HADHB: variants seen among roughly 807,000 people sequenced by gnomAD.
HADHB encodes the protein hydroxyacyl-CoA dehydrogenase trifunctional multienzyme complex subunit beta, also known as trifunctional enzyme subunit beta, mitochondrial.
HADHB carries 50 observed loss-of-function variants against 61.9 expected under a neutral mutation model. The observed-to-expected ratio is 0.81, with a 90% CI of 0.64 to 1.02. The LOEUF is 1.02. Ranked by LOEUF, HADHB falls within the 50% of genes least tolerant of loss-of-function variation. The pLI is 0.00. For synonymous variants in HADHB, 191 were observed against 201.6 expected, an observed-to-expected ratio of 0.95 and a Z score of 0.45; for missense variants, 504 against 586.5, an observed-to-expected ratio of 0.86 and a Z score of 1.45.
chr2:26,287,847 A>G (rs1313275196), intron 15 of HADHB, among the ~76,000 whole-genome samples: 3 of 152,194 alleles, frequency 2.0e-5, no homozygotes, highest in East Asian at 3.8e-4. Context: ...TAGCAGTAGC[A>G]ACAAGCTCCT....
chr2:26,278,791 TA>T lies in HADHB; in HGVS notation c.621del (p.Ala208HisfsTer44). ...ATCTCTAAATTCCGATTTAATTTCCTAGCACCTGAGGTAAGGCTTGTGTTTG... is the reference window on the plus strand; with the variant it reads ...ATCTCTAAATTCCGATTTAATTTCCTGCACCTGAGGTAAGGCTTGTGTTTG... ...SLISKFRFNF[L>X]APELPAVSEF... On this transcript the variant is annotated frameshift_variant, in exon 8 of 16. Coordinates refer to ENST00000317799, the MANE Select transcript of HADHB (RefSeq NM_000183.3). LOFTEE classifies it high-confidence loss of function. 6.2e-7 allele frequency: 1 copy of T among 1,613,972 alleles called. No individual in the cohort carries two copies. The highest frequency in any genetic ancestry group is 8.5e-7 in the Non-Finnish European group (1 of 1,179,834).
chr2:26,267,817 A>C lies in HADHB; in HGVS notation c.210-2136A>C, dbSNP rs763799801. On this transcript the variant is annotated intron_variant, in intron 4 of 15. Coordinates refer to ENST00000317799, the MANE Select transcript of HADHB (RefSeq NM_000183.3). ...GTAAATAAATGAGAAAGAATGAACAAGTCTTCCTTACAGAAGAATTTTGAT... is the reference window on the plus strand; with the variant it reads ...GTAAATAAATGAGAAAGAATGAACACGTCTTCCTTACAGAAGAATTTTGAT... Among the ~76,000 whole-genome samples, 53 of 151,932 alleles carry C rather than the reference A, an allele frequency of 3.5e-4. 1 individual carries two copies. Among genetic ancestry groups the C allele is most frequent in the Non-Finnish European group, 7.4e-4 (50 of 67,986 alleles).
At position 26,280,022 on chromosome 2, in the gene HADHB, C is replaced by T. The variant is rs759805493; in HGVS notation, c.840C>T (p.Gly280=). Residue 280 remains glycine, a synonymous_variant, in exon 10 of 16, where the codon GGC becomes GGT. Coordinates refer to ENST00000317799, the MANE Select transcript of HADHB (RefSeq NM_000183.3). The stretch of plus-strand genomic sequence containing the variant: ...AAGATACAGTTACCAAAGATAATGG[C>T]ATCCGTCCTTCCTCACTGGAGCAGA... The part of the protein sequence containing the change: ...PGKDTVTKDN[G]IRPSSLEQMA... The T allele has an allele frequency of 5.6e-6, 9 of 1,609,252 alleles. No individual in the cohort carries two copies. The South Asian group carries it at 9.9e-5, about 18-fold the overall frequency.
In HADHB at chr2:26,285,414, T is replaced by G; in HGVS notation, c.1232T>G (p.Leu411Trp). The change falls in exon 15 of 16, where the codon TTG (leucine) becomes TGG (tryptophan). Residue 411 changes from leucine to tryptophan, a missense_variant. Transcript: ENST00000317799. ...NYMGRKTKVG[L>W]PPLEKFNNWG... ...TGTCTTTGGGGGAGCCAGGTTGGAT[T>G]GCCTCCTTTGGAGAAGTTTAATAAC... 1 of 1,613,686 alleles carries G rather than the reference T, an allele frequency of 6.2e-7. No homozygotes were observed. The highest frequency in any genetic ancestry group is 8.5e-7 in the Non-Finnish European group (1 of 1,179,608).
At chr2:26,266,288 TTAATAA>T (rs1035776814) in intron 4 of HADHB, among the ~76,000 whole-genome samples, 3 of 151,746 alleles carry the variant, frequency 2.0e-5, no homozygotes, top group African/African-American at 7.3e-5. Flanking sequence ...TAAAAAAAAA[TTAATAA>T]TAATAACATA....
At chr2:26,260,333 C>T (rs1671810637) in intron 3 of HADHB, among the ~76,000 whole-genome samples, 1 of 152,146 alleles carries the variant, frequency 6.6e-6, no homozygotes, top group Non-Finnish European at 1.5e-5. Context: ...CTGCCTGCCT[C>T]AGCCTCCCAA....
At chr2:26,288,806 A>G (rs895903969) in intron 15 of HADHB, among the ~76,000 whole-genome samples, 1 of 152,204 alleles carries the variant, frequency 6.6e-6, no homozygotes, top group South Asian at 2.1e-4. Context: ...TTAAACCTGC[A>G]GTGTTCAACT....
At chr2:26,270,500 C>A (rs1672291915) in intron 5 of HADHB, among the ~76,000 whole-genome samples, 1 of 151,960 alleles carries the variant, frequency 6.6e-6, no homozygotes, top group African/African-American at 2.4e-5. Context: ...AGCCACAGTT[C>A]TTTCTTAGTT....
At chr2:26,270,225 C>T (rs1558351565) in intron 5 of HADHB, among the ~76,000 whole-genome samples, 1 of 152,240 alleles carries the variant, frequency 6.6e-6, no homozygotes, top group East Asian at 1.9e-4. Flanking sequence ...TCAGCCTAAA[C>T]ACAATACATA....
chr2:26,270,230 T>G (rs1313826119), intron 5 of HADHB, among the ~76,000 whole-genome samples: 1 of 152,198 alleles, frequency 6.6e-6, no homozygotes, highest in Non-Finnish European at 1.5e-5. Flanking sequence ...CTAAACACAA[T>G]ACATATATTT....
At chr2:26,278,395 A>G (rs1185347597) in intron 7 of HADHB, among the ~76,000 whole-genome samples, 1 of 152,274 alleles carries the variant, frequency 6.6e-6, no homozygotes, top group Non-Finnish European at 1.5e-5. Context: ...GTTGACGTCC[A>G]TATGGCAGGA....
intron 1 of HADHB, among the ~76,000 whole-genome samples, chr2:26,251,743 A>G (rs1464817786): frequency 6.6e-6 from 1 of 152,098 alleles, no homozygotes. Flanking sequence ...TCCAATCCAC[A>G]TGTTTGGAAC....
chr2:26,254,376 C>A, intron 2 of HADHB, 54 bp from the exon 3 acceptor site: 1 of 1,454,452 alleles, frequency 6.9e-7, no homozygotes, highest in Non-Finnish European at 9.7e-7. Context: ...ATAAACATCT[C>A]GCACAGATAC....
rs112282659 is a variant in HADHB, at chr2:26,249,057, C to CAA, written c.-9+4077_-9+4078dup. ...GGGGGACAAGAGTGAGACTTTGTCT[C>CAA]AAAAAAAAAAAGAAAATCACAACTT... On this transcript the variant is annotated intron_variant, in intron 1 of 15. Transcript: ENST00000317799. 2.5e-4 allele frequency among the ~76,000 whole-genome samples: 34 copies of CAA among 136,836 alleles called. No individual in the cohort carries two copies. The South Asian group carries it at 6.0e-3, about 24-fold the overall frequency. The allele number at this position is 136,836 out of a possible 152,430, so 89.8% of individuals were successfully genotyped here.
In HADHB at chr2:26,254,333, AT is replaced by A. The variant is rs776108145; in HGVS notation, c.64+22del. ...CCTCAGATTTTGTAAGTTTATTATT[AT>A]TTTTTTATTTTTAGAGATTGGATTT... On this transcript the variant is annotated intron_variant, in intron 2 of 15. Coordinates refer to ENST00000317799, the MANE Select transcript of HADHB (RefSeq NM_000183.3). The A allele has an allele frequency of 3.9e-6, 6 of 1,519,258 alleles. No individual in the cohort carries two copies. The highest frequency in any genetic ancestry group is 1.4e-5 in the African/African-American group (1 of 73,060). The allele number at this position is 1,519,258 out of a possible 1,614,324, so 94.1% of individuals were successfully genotyped here. A position where few individuals can be genotyped will look rare whatever the true frequency, so the allele number is the denominator to read the frequency against.
intron 3 of HADHB, among the ~76,000 whole-genome samples, chr2:26,262,744 T>A (rs1192515589): frequency 6.6e-6 from 1 of 152,156 alleles, no homozygotes; most frequent in African/African-American, 2.4e-5. Flanking sequence ...CTTCTAATAT[T>A]AAGGGTAGAT....
At chr2:26,285,240 A>G (rs1390328657) in intron 14 of HADHB, among the ~76,000 whole-genome samples, 167 bp from the exon 15 acceptor site, 2 of 152,212 alleles carry the variant, frequency 1.3e-5, no homozygotes, top group Non-Finnish European at 2.9e-5. Flanking sequence ...TGGACTCCTG[A>G]CTTTTAATAT....
chr2:26,254,781 G>A, intron 3 of HADHB: 1 of 350,060 alleles, frequency 2.9e-6, no homozygotes, highest in South Asian at 3.0e-5. Context: ...CCGTCCTGGA[G>A]GTGAATGGCA....
chr2:26,250,137 C>G (rs925653058), intron 1 of HADHB, among the ~76,000 whole-genome samples: 4 of 152,120 alleles, frequency 2.6e-5, no homozygotes, highest in African/African-American at 9.7e-5. Context: ...TCCCAAGTAG[C>G]TGGCTTACAG....
Sources: allele counts gnomAD v4.1 joint callset (sites outside exome capture counted in the v4.1 genomes callset), GRCh38; gene constraint gnomAD v4.1.1; transcripts MANE v1.5; gene names NCBI Gene and HGNC (gene_info 2026-07-23, HGNC 2026-07-21).